The following DECR1 variants were observed in gnomAD, a reference collection of about 807,000 sequenced individuals.
The protein encoded by DECR1 is 2,4-dienoyl-CoA reductase 1, also known as 2,4-dienoyl-CoA reductase [(3E)-enoyl-CoA-producing], mitochondrial.
In DECR1, 44 loss-of-function variants were observed where a neutral mutation model predicts 38.8. The observed-to-expected ratio is 1.13, with a 90% CI of 0.89 to 1.46. The LOEUF is 1.46. DECR1 is among the 40% of genes most tolerant of loss of function. The pLI, the probability that DECR1 is intolerant of heterozygous loss-of-function variation, is 0.00. For synonymous variants in DECR1, 148 were observed against 135.2 expected (o/e 1.09, Z -0.66); for missense variants, 428 against 405.5 (o/e 1.06, Z -0.48).
At chr8:90,013,329 A>C (rs989590592) in intron 1 of DECR1, among the ~76,000 whole-genome samples, 2 of 147,664 alleles carry the variant, frequency 1.4e-5, no homozygotes, top group Middle Eastern at 3.6e-3. Flanking sequence ...TTAAACAATG[A>C]TTTTTGTAGA....
At chr8:90,020,605 C>G (rs73308404) in intron 4 of DECR1, among the ~76,000 whole-genome samples, 33,261 of 152,042 alleles carry the variant, frequency 0.22, 6,540 homozygotes, top group African/African-American at 0.52. Context: ...TGTTGCCCAG[C>G]CTGGTCTTGA....
intron 5 of DECR1, among the ~76,000 whole-genome samples, chr8:90,024,780 A>C (rs940212480): frequency 6.6e-6 from 1 of 152,328 alleles, no homozygotes; most frequent in Admixed American, 6.5e-5. Context: ...TGTTTTAGAC[A>C]TGAAGCCCTT....
chr8:90,026,658 C>G (rs1586151345), intron 5 of DECR1, among the ~76,000 whole-genome samples: 1 of 151,616 alleles, frequency 6.6e-6, no homozygotes, highest in Non-Finnish European at 1.5e-5. Flanking sequence ...ATTTTGTTGA[C>G]CTTTCCAAAA....
rs147668665 is a variant in DECR1 at position 90,045,002 on chromosome 8, GT to G, written c.885+9del. On this transcript the variant is annotated splice_region_variant and intron_variant, in intron 8 of 9. Transcript: ENST00000220764. The stretch of plus-strand genomic sequence containing the variant: ...TTCTTGGATTAATGGAGCAGTAAGC[GT>G]TGTTTATTTCTCTTCACTTTTTTTT... The G allele has an allele frequency of 2.6e-3, 4,179 of 1,613,602 alleles. 61 individuals are homozygous for G. In the African/African-American group the frequency reaches 0.046, roughly 18 times the overall value.
intron 1 of DECR1, among the ~76,000 whole-genome samples, chr8:90,010,957 T>A (rs182747193): frequency 5.3e-5 from 8 of 152,260 alleles, no homozygotes; most frequent in African/African-American, 1.9e-4. Context: ...AGAAAAAAAA[T>A]TTATGAACAT....
chr8:90,049,411 T>C (rs182333445), intron 8 of DECR1, among the ~76,000 whole-genome samples: 58 of 152,218 alleles, frequency 3.8e-4, no homozygotes, highest in African/African-American at 1.3e-3. Context: ...AAATCATGAG[T>C]GAACTCCCAT....
At chr8:90,024,787 C>T (rs1175649149) in intron 5 of DECR1, among the ~76,000 whole-genome samples, 2 of 152,076 alleles carry the variant, frequency 1.3e-5, no homozygotes, top group African/African-American at 2.4e-5. Context: ...GACATGAAGC[C>T]CTTGCCCATG....
chr8:90,025,362 T>C (rs1454827988), intron 5 of DECR1, among the ~76,000 whole-genome samples: 1 of 152,234 alleles, frequency 6.6e-6, no homozygotes, highest in African/African-American at 2.4e-5. Flanking sequence ...GAGCATGGAA[T>C]GTTCTTCCAT....
intron 1 of DECR1, among the ~76,000 whole-genome samples, chr8:90,013,012 C>G (rs1812923945): frequency 6.6e-6 from 1 of 152,170 alleles, no homozygotes. Flanking sequence ...CATGGCAGAT[C>G]AGTCACGAGG....
chr8:90,047,148 C>T (rs10435550), intron 8 of DECR1, among the ~76,000 whole-genome samples: 6,502 of 152,100 alleles, frequency 0.043, 283 homozygotes, highest in East Asian at 0.19. Context: ...AACCAGCTGA[C>T]ATCATAATGA....
chr8:90,038,043 GTTAA>G (rs1421074739), intron 6 of DECR1, among the ~76,000 whole-genome samples: 5 of 152,100 alleles, frequency 3.3e-5, no homozygotes, highest in Admixed American at 3.3e-4. Context: ...TCTGGCCATT[GTTAA>G]TTAATTTATT....
At chr8:90,050,353 A>T (rs542809253) in intron 8 of DECR1, among the ~76,000 whole-genome samples, 70 of 152,358 alleles carry the variant, frequency 4.6e-4, no homozygotes, top group Admixed American at 1.4e-3. Flanking sequence ...CCCATCACAA[A>T]GTGGGCAAAG....
chr8:90,011,408 T>G (rs916135378), intron 1 of DECR1, among the ~76,000 whole-genome samples: 1 of 152,200 alleles, frequency 6.6e-6, no homozygotes. Context: ...AAACAATTCT[T>G]TAATGAATCT....
At position 90,049,742 on chromosome 8, in the gene DECR1, A is replaced by G. The variant is rs112615353; in HGVS notation, c.886-1935A>G. ...CAAGACAATCCTAAGCCAAAAGAAC[A>G]AAGCTGGCATCATCACACTACCTGA... On this transcript the variant is annotated intron_variant, in intron 8 of 9. Transcript: ENST00000220764. Among the ~76,000 whole-genome samples the G allele has an allele frequency of 7.1e-3, 1,085 of 152,340 alleles. 14 individuals are homozygous for G. Among genetic ancestry groups the G allele is most frequent in the African/African-American group, 0.025 (1,020 of 41,576 alleles).
chr8:90,041,335 A>C (rs929077876), intron 6 of DECR1, among the ~76,000 whole-genome samples: 8 of 151,396 alleles, frequency 5.3e-5, no homozygotes, highest in African/African-American at 1.9e-4. Flanking sequence ...GTTTAAGTTT[A>C]ATTTGTTTAA....
In DECR1 at chr8:90,019,050, G is replaced by A. The variant is rs1813081650; in HGVS notation, c.331-36G>A. 5 of 1,607,364 alleles carry A rather than the reference G, an allele frequency of 3.1e-6. No homozygotes were observed. In the South Asian group the frequency reaches 4.4e-5, roughly 14 times the overall value. On this transcript the variant is annotated intron_variant, in intron 3 of 9. Coordinates refer to ENST00000220764, the MANE Select transcript of DECR1 (RefSeq NM_001359.2). The stretch of plus-strand genomic sequence containing the variant: ...TTGTTCATGCGTTTGGTTTAAGAAA[G>A]CTGGAAAATGTCATATTCTTTTTGT...
At chr8:90,005,619 G>A (rs1812719820) in intron 1 of DECR1, 1 of 371,640 alleles carries the variant, frequency 2.7e-6, no homozygotes. Context: ...GAAGACCAAG[G>A]AGAACTGTTC....
chr8:90,043,029 A>T (rs919769574), intron 7 of DECR1, among the ~76,000 whole-genome samples: 1 of 152,066 alleles, frequency 6.6e-6, no homozygotes, highest in Admixed American at 6.6e-5. Context: ...CAGTGTCTTA[A>T]TCGTTTGGGA....
chr8:90,013,670 T>C (rs1008602181), intron 1 of DECR1, among the ~76,000 whole-genome samples: 9 of 152,186 alleles, frequency 5.9e-5, no homozygotes, highest in African/African-American at 2.2e-4. Context: ...TCTTCCATTA[T>C]CTAAATGTTG....
Sources: allele counts gnomAD v4.1 joint callset (sites outside exome capture counted in the v4.1 genomes callset), GRCh38; gene constraint gnomAD v4.1.1; transcripts MANE v1.5; gene names NCBI Gene and HGNC (gene_info 2026-07-23, HGNC 2026-07-21).